The following DNAI3 variants were observed in gnomAD, a reference collection of about 807,000 sequenced individuals.
The protein encoded by DNAI3 is dynein axonemal intermediate chain 3.
Under a neutral mutation model 115.5 loss-of-function variants are expected in DNAI3, and 83 were observed. The observed-to-expected ratio is 0.72, with a 90% confidence interval of 0.60 to 0.86. The LOEUF is 0.86. Among genes scored for constraint, DNAI3 ranks in the 40% least tolerant of loss-of-function variants. The pLI is 0.00. For missense variants in DNAI3, 1,004 were observed against 1,075.8 expected, an observed-to-expected ratio of 0.93 and a Z score of 0.93; for synonymous variants, 320 against 347.0, an observed-to-expected ratio of 0.92 and a Z score of 0.86.
At chr1:85,120,721 G>A (rs1398028289) in intron 17 of DNAI3, among the ~76,000 whole-genome samples, 1 of 152,182 alleles carries the variant, frequency 6.6e-6, no homozygotes, top group Non-Finnish European at 1.5e-5. Context: ...CCATAGATTA[G>A]CAAAACATGT....
At chr1:85,089,002 A>G (rs1204800774) in intron 7 of DNAI3, among the ~76,000 whole-genome samples, 2 of 152,088 alleles carry the variant, frequency 1.3e-5, no homozygotes, top group Non-Finnish European at 2.9e-5. Flanking sequence ...TTATTCTAAA[A>G]ACTCCCTTTA....
chr1:85,121,805 C>T lies in DNAI3; in HGVS notation c.1972C>T (p.Arg658Ter), dbSNP rs981857804. 2.5e-6 allele frequency: 4 copies of T among 1,613,898 alleles called. No homozygotes were observed. The highest frequency in any genetic ancestry group is 2.2e-5 in the East Asian group (1 of 44,874). ...WKMEKDPETG[R>*]LMSKKPVSHH... Reference sequence around the variant, plus strand: ...AATGGAAAAAGACCCTGAAACTGGCCGACTTATGTGTAAGTTTTGTGATTG... The same window carrying T: ...AATGGAAAAAGACCCTGAAACTGGCTGACTTATGTGTAAGTTTTGTGATTG... The change falls in exon 18 of 23, where the codon CGA (arginine) becomes TGA (stop). Residue 658 changes from arginine (R) to a stop codon, truncating the protein, a stop_gained. Transcript: ENST00000294664. LOFTEE classifies it high-confidence loss of function.
Position 85,097,131 on chromosome 1 carries a change from G to C in DNAI3, c.1264-438G>C, listed in dbSNP as rs189873158. Among the ~76,000 whole-genome samples, 739 of 151,744 alleles carry C rather than the reference G, an allele frequency of 4.9e-3. 5 individuals are homozygous for C. Among genetic ancestry groups the C allele is most frequent in the Non-Finnish European group, 7.1e-3 (483 of 67,964 alleles). ...GATACATAAGAATTCAGAGTTGGCTGTAATAGTCAATTAAATAGAAATAAT... is the reference window on the plus strand; with the variant it reads ...GATACATAAGAATTCAGAGTTGGCTCTAATAGTCAATTAAATAGAAATAAT... On this transcript the variant is annotated intron_variant, in intron 11 of 22. Coordinates refer to ENST00000294664, the MANE Select transcript of DNAI3 (RefSeq NM_145172.5).
rs943047968 is a variant in DNAI3, at chr1:85,121,812, T to C, written c.1979T>C (p.Met660Thr). Residue 660 changes from methionine (M) to threonine (T), a missense_variant and splice_region_variant, in exon 18 of 23, where the codon ATG becomes ACG. Met to Thr is a moderately conservative substitution (Grantham distance 81). Coordinates refer to ENST00000294664, the MANE Select transcript of DNAI3 (RefSeq NM_145172.5). The part of the protein sequence containing the change: ...MEKDPETGRL[M>T]SKKPVSHHTI... Reference sequence around the variant, plus strand: ...AAAGACCCTGAAACTGGCCGACTTATGTGTAAGTTTTGTGATTGCCCTGTT... The same window carrying C: ...AAAGACCCTGAAACTGGCCGACTTACGTGTAAGTTTTGTGATTGCCCTGTT... The C allele has an allele frequency of 9.9e-6, 16 of 1,614,004 alleles. No individual in the cohort carries two copies. The highest frequency in any genetic ancestry group is 4.5e-5 in the East Asian group (2 of 44,880).
rs368165471 is a variant in DNAI3 at position 85,093,559 on chromosome 1, C to T, written c.959C>T (p.Thr320Ile). 6.2e-6 allele frequency: 10 copies of T among 1,614,010 alleles called. No individual in the cohort carries two copies. In the African/African-American group the frequency reaches 1.1e-4, roughly 17 times the overall value. ...EEGTFGDKTD[T>I]HLKEYQSFTD... ...GGCACCTTTGGGGACAAGACCGATA[C>T]CCACCTGAAAGAGTACCAGTCCTTT... The change falls in exon 9 of 23, where the codon ACC becomes ATC. Residue 320 changes from threonine to isoleucine, a missense_variant. Physicochemically the swap from Thr to Ile is moderately conservative, Grantham distance 89. This residue lies in a region of DNAI3 where 550 missense variants were observed against 568.1 expected (regional missense o/e 0.97). Transcript: ENST00000294664.
Position 85,104,530 on chromosome 1 carries a change from A to C in DNAI3, c.1486A>C (p.Arg496=), listed in dbSNP as rs1423974500. The change falls in exon 14 of 23, where the codon AGA becomes CGA. Residue 496 remains arginine, a synonymous_variant. Transcript: ENST00000294664. ...TTTCATTTTTGAAAAATAGATTAAC[A>C]GAATGGGCTCCGTCTTTGAGAATCG... ...HWLSDTFEIN[R]MGSVFENRSG... 1 of 1,613,498 alleles carries C rather than the reference A, an allele frequency of 6.2e-7. No individual in the cohort carries two copies. The highest frequency in any genetic ancestry group is 8.5e-7 in the Non-Finnish European group (1 of 1,179,670).
intron 7 of DNAI3, among the ~76,000 whole-genome samples, chr1:85,088,060 A>G (rs1033787150): frequency 6.6e-6 from 1 of 152,180 alleles, no homozygotes; most frequent in Non-Finnish European, 1.5e-5. Context: ...GAAGGAGGAC[A>G]TCAGACATCC....
chr1:85,115,551 G>A (rs763176335), intron 16 of DNAI3, among the ~76,000 whole-genome samples: 1 of 152,166 alleles, frequency 6.6e-6, no homozygotes, highest in Non-Finnish European at 1.5e-5. Context: ...TTGAATCTAA[G>A]TATCCAAAGT....
intron 14 of DNAI3, among the ~76,000 whole-genome samples, chr1:85,106,270 TTCA>T (rs1425200832): frequency 6.6e-6 from 1 of 152,212 alleles, no homozygotes; most frequent in Admixed American, 6.5e-5. Context: ...TAAATTGGAC[TTCA>T]TCAAAATTAA....
chr1:85,072,183 G>A (rs1654295370), intron 2 of DNAI3, among the ~76,000 whole-genome samples, 178 bp downstream of exon 2: 1 of 152,196 alleles, frequency 6.6e-6, no homozygotes, highest in South Asian at 2.1e-4. Flanking sequence ...ATTTCATTAT[G>A]ATACCAATTA....
At chr1:85,078,816 A>C (rs1654541262) in intron 3 of DNAI3, among the ~76,000 whole-genome samples, 1 of 152,258 alleles carries the variant, frequency 6.6e-6, no homozygotes, top group African/African-American at 2.4e-5. Flanking sequence ...AAGCAGAAAC[A>C]GTCCACTAGT....
At chr1:85,103,816 G>A (rs1655401659) in intron 13 of DNAI3, among the ~76,000 whole-genome samples, 2 of 151,356 alleles carry the variant, frequency 1.3e-5, no homozygotes, top group African/African-American at 4.8e-5. Flanking sequence ...GAACCTGGGA[G>A]GCTGAGGTTG....
chr1:85,109,934 A>G lies in DNAI3; in HGVS notation c.1699-114A>G, dbSNP rs1571189740. On this transcript the variant is annotated intron_variant, in intron 15 of 22. Coordinates refer to ENST00000294664, the MANE Select transcript of DNAI3 (RefSeq NM_145172.5). Reference sequence around the variant, plus strand: ...GAGGGAGGAAAGGGAAGGAAGAAAAAAAAGGAGGTGGGTTTCCTTCAATAT... The same window carrying G: ...GAGGGAGGAAAGGGAAGGAAGAAAAGAAAGGAGGTGGGTTTCCTTCAATAT... The G allele has an allele frequency of 6.3e-6, 6 of 950,770 alleles. No homozygotes were observed. In the East Asian group the frequency reaches 1.5e-4, roughly 25 times the overall value. The allele number at this position is 950,770 out of a possible 1,614,324, so 58.9% of individuals were successfully genotyped here. A position where few individuals can be genotyped will look rare whatever the true frequency, so the allele number is the denominator to read the frequency against.
At chr1:85,089,728 G>A (rs375400350) in intron 7 of DNAI3, among the ~76,000 whole-genome samples, 1 of 151,828 alleles carries the variant, frequency 6.6e-6, no homozygotes, top group African/African-American at 2.4e-5. Context: ...GTCCCATGAG[G>A]GGGTGAGGTG....
At chr1:85,116,454 T>C (rs766411284) in intron 16 of DNAI3, among the ~76,000 whole-genome samples, 7 of 152,242 alleles carry the variant, frequency 4.6e-5, no homozygotes, top group Non-Finnish European at 1.0e-4. Flanking sequence ...TTTAATCTTA[T>C]AGCCCCTTGT....
At chr1:85,098,473 G>T in intron 12 of DNAI3, 57 bp from the exon 13 acceptor site, 3 of 1,579,694 alleles carry the variant, frequency 1.9e-6, no homozygotes, top group Non-Finnish European at 2.6e-6. Flanking sequence ...AGTAAAGTAT[G>T]AGTTCATTCA....
chr1:85,117,679 A>G (rs1655872816), intron 16 of DNAI3, 50 bp from the exon 17 acceptor site: 1 of 1,594,576 alleles, frequency 6.3e-7, no homozygotes, highest in Non-Finnish European at 8.6e-7. Context: ...ATATTTTAAA[A>G]GATGTTTCCC....
chr1:85,121,871 C>A, intron 18 of DNAI3, 57 bp downstream of exon 18: 1 of 1,571,698 alleles, frequency 6.4e-7, no homozygotes, highest in Non-Finnish European at 8.8e-7. Context: ...TTAAACTACC[C>A]AAAGGAATCT....
At chr1:85,120,425 A>T (rs958355105) in intron 17 of DNAI3, among the ~76,000 whole-genome samples, 1 of 152,208 alleles carries the variant, frequency 6.6e-6, no homozygotes, top group Non-Finnish European at 1.5e-5. Context: ...GGAGTTGGGT[A>T]ACAGAATTAC....
Sources: gnomAD v4.1 joint callset for allele counts (sites outside exome capture counted in the v4.1 genomes callset) on GRCh38, gnomAD v4.1.1 for gene constraint, gnomAD v4.1.1 regional missense constraint, MANE v1.5 for transcripts, NCBI Gene and HGNC (gene_info 2026-07-23, HGNC 2026-07-21) for gene names.